CCDC60: variants seen among roughly 807,000 people sequenced by gnomAD.
CCDC60 encodes coiled-coil domain containing 60.
Under a neutral mutation model 63.5 loss-of-function variants are expected in CCDC60, and 54 were observed. The ratio of observed to expected loss-of-function variants is 0.85; its 90% CI spans 0.68 to 1.07. The LOEUF (loss-of-function observed/expected upper bound fraction) is 1.07, where lower values mean the gene tolerates loss of function less well. CCDC60 is among the 50% of genes least tolerant of loss of function. The pLI, the probability that CCDC60 is intolerant of heterozygous loss-of-function variation, is 0.00. For missense variants in CCDC60, 651 were observed against 684.3 expected (o/e 0.95, Z 0.54); for synonymous variants, 206 against 238.8 (o/e 0.86, Z 1.27).
In CCDC60 at chr12:119,516,824, T is replaced by C. The variant is rs956095355; in HGVS notation, c.968+117T>C. 2.4e-4 allele frequency: 157 copies of C among 648,980 alleles called. 1 individual carries two copies. In the African/African-American group the frequency reaches 2.6e-3, roughly 11 times the overall value. 40.2% of individuals were successfully genotyped at this position (648,980 alleles called of 1,614,324 possible). ...GTGACAGGCACTGAGCTGTGTTGTT[T>C]ATGTGTATCACCTCTCTGAGTTCTT... On this transcript the variant is annotated intron_variant, in intron 8 of 13. Transcript: ENST00000327554.
intron 1 of CCDC60, among the ~76,000 whole-genome samples, chr12:119,372,938 A>G (rs747507090): frequency 4.6e-5 from 7 of 152,176 alleles, no homozygotes; most frequent in Non-Finnish European, 8.8e-5. Context: ...CTTAGGAGAG[A>G]ACTAAAGTAG....
chr12:119,374,021 G>A (rs1955926718), intron 1 of CCDC60, among the ~76,000 whole-genome samples: 1 of 151,708 alleles, frequency 6.6e-6, no homozygotes, highest in Non-Finnish European at 1.5e-5. Flanking sequence ...CAGAACACCA[G>A]CTCTTGCCCA....
chr12:119,514,254 G>A (rs939309933), intron 7 of CCDC60, among the ~76,000 whole-genome samples: 6 of 151,564 alleles, frequency 4.0e-5, no homozygotes, highest in African/African-American at 1.5e-4. Context: ...TCGGTTTACT[G>A]CAACCTCCAC....
At chr12:119,520,459 T>C (rs1952494042) in intron 9 of CCDC60, among the ~76,000 whole-genome samples, 1 of 152,122 alleles carries the variant, frequency 6.6e-6, no homozygotes, top group Non-Finnish European at 1.5e-5. Context: ...TACAAGACTA[T>C]GTCTCTTTCT....
chr12:119,539,931 G>C (rs901578150), intron 13 of CCDC60, among the ~76,000 whole-genome samples: 3 of 152,178 alleles, frequency 2.0e-5, no homozygotes, highest in Non-Finnish European at 4.4e-5. Context: ...CCTTGGCTAG[G>C]GGAGAGAATT....
At chr12:119,345,979 C>T (rs993727243) in intron 1 of CCDC60, among the ~76,000 whole-genome samples, 1 of 147,876 alleles carries the variant, frequency 6.8e-6, no homozygotes, top group Non-Finnish European at 1.5e-5. Flanking sequence ...CCATACCCAG[C>T]TGATTTTTTT....
At chr12:119,375,060 G>A (rs1955937160) in intron 1 of CCDC60, among the ~76,000 whole-genome samples, 1 of 152,084 alleles carries the variant, frequency 6.6e-6, no homozygotes, top group African/African-American at 2.4e-5. Context: ...CTATCTTTCT[G>A]TGACTAGGAA....
rs1370322115 is a variant in CCDC60, at chr12:119,479,382, T to G, written c.449+181T>G. The G allele has an allele frequency of 4.7e-5, 27 of 574,572 alleles. No homozygotes were observed. In the East Asian group the frequency reaches 7.9e-4, roughly 17 times the overall value. The allele number at this position is 574,572 out of a possible 1,614,324, so 35.6% of individuals were successfully genotyped here. On this transcript the variant is annotated intron_variant, in intron 4 of 13. Coordinates refer to ENST00000327554, the MANE Select transcript of CCDC60 (RefSeq NM_178499.5). ...ATAACAGAAAGTAGACACAGTGGTT[T>G]ACAGCTAAGTGGCAAATCAGCTGGG...
At position 119,481,690 on chromosome 12, in the gene CCDC60, G is replaced by T. The variant is rs553594814; in HGVS notation, c.449+2489G>T. Among the ~76,000 whole-genome samples the T allele has an allele frequency of 2.0e-5, 3 of 151,792 alleles. No homozygotes were observed. In the East Asian group the frequency reaches 5.8e-4, roughly 29 times the overall value. ...TTTAGTGGTGATTTGTGAGATTTTG[G>T]TGCACCCATCACCTGGGCCATATAC... is the stretch of plus-strand genomic sequence containing the variant. On this transcript the variant is annotated intron_variant, in intron 4 of 13. Coordinates refer to ENST00000327554, the MANE Select transcript of CCDC60 (RefSeq NM_178499.5).
At chr12:119,504,528 G>A (rs1289244747) in intron 6 of CCDC60, among the ~76,000 whole-genome samples, 1 of 152,046 alleles carries the variant, frequency 6.6e-6, no homozygotes, top group Admixed American at 6.6e-5. Context: ...CATCCTAAAT[G>A]TCAGGCCTAC....
At chr12:119,346,828 CTTTCTTTT>C (rs1318664642) in intron 1 of CCDC60, among the ~76,000 whole-genome samples, 7 of 96,856 alleles carry the variant, frequency 7.2e-5, no homozygotes, top group East Asian at 5.0e-4. Context: ...TTCTTTCTTT[CTTTCTTTT>C]TTTTTTGAGA....
intron 2 of CCDC60, among the ~76,000 whole-genome samples, chr12:119,445,458 G>GAAA: frequency 1.0e-5 from 1 of 100,130 alleles, no homozygotes; most frequent in Non-Finnish European, 2.1e-5. Context: ...AAAAAAAAAG[G>GAAA]AATGCTCTGA....
intron 1 of CCDC60, among the ~76,000 whole-genome samples, chr12:119,365,210 T>C (rs948625333): frequency 6.6e-6 from 1 of 152,166 alleles, no homozygotes; most frequent in Non-Finnish European, 1.5e-5. Flanking sequence ...TCAAAACTCA[T>C]GCTTCCTCCC....
intron 1 of CCDC60, among the ~76,000 whole-genome samples, chr12:119,351,335 A>G (rs1955654594): frequency 6.6e-6 from 1 of 152,180 alleles, no homozygotes; most frequent in Non-Finnish European, 1.5e-5. Flanking sequence ...TCTGATGCCT[A>G]TCTTGAGCCC....
intron 1 of CCDC60, among the ~76,000 whole-genome samples, chr12:119,387,611 T>C (rs1386737333): frequency 1.3e-5 from 2 of 152,236 alleles, no homozygotes; most frequent in African/African-American, 4.8e-5. Context: ...TATATATATA[T>C]GAATCTTTAC....
intron 1 of CCDC60, among the ~76,000 whole-genome samples, chr12:119,415,666 C>A (rs567313554): frequency 6.6e-6 from 1 of 152,074 alleles, no homozygotes; most frequent in Non-Finnish European, 1.5e-5. Flanking sequence ...GGTGGGAAGA[C>A]AATGGAGGGA....
At chr12:119,502,117 TA>T (rs1156707440) in intron 6 of CCDC60, among the ~76,000 whole-genome samples, 2 of 152,180 alleles carry the variant, frequency 1.3e-5, no homozygotes, top group East Asian at 1.9e-4. Context: ...CTGAGTGTGA[TA>T]CAGTAGGGAG....
chr12:119,387,839 G>C (rs1476728594), intron 1 of CCDC60: 1 of 152,078 alleles, frequency 6.6e-6, no homozygotes, highest in African/African-American at 2.4e-5. Context: ...CACATTTCAG[G>C]TTACTCTTAA....
intron 1 of CCDC60, among the ~76,000 whole-genome samples, chr12:119,366,851 G>A (rs1955845571): frequency 6.6e-6 from 1 of 152,160 alleles, no homozygotes; most frequent in South Asian, 2.1e-4. Context: ...TGTTGTTGTT[G>A]TGACAGAATC....
Sources: gnomAD v4.1 joint callset for allele counts (sites outside exome capture counted in the v4.1 genomes callset) on GRCh38, gnomAD v4.1.1 for gene constraint, MANE v1.5 for transcripts, NCBI Gene and HGNC (gene_info 2026-07-23, HGNC 2026-07-21) for gene names.